The following PCDHA4 variants were observed in gnomAD, a reference collection of about 807,000 sequenced individuals.
PCDHA4 encodes the protein protocadherin alpha 4, also known as protocadherin alpha-4.
In PCDHA4, 49 loss-of-function variants were observed where a neutral mutation model predicts 61.4. The observed-to-expected ratio is 0.80, with a 90% CI of 0.63 to 1.01. The LOEUF is 1.01. PCDHA4 is among the 50% of genes least tolerant of loss of function. The pLI is 0.00. For missense variants in PCDHA4, 1,254 were observed against 1,235.8 expected, an observed-to-expected ratio of 1.01 and a Z score of -0.22; for synonymous variants, 590 against 550.3, an observed-to-expected ratio of 1.07 and a Z score of -1.01.
chr5:140,919,239 C>G (rs2079049864), intron 1 of PCDHA4, among the ~76,000 whole-genome samples: 1 of 152,188 alleles, frequency 6.6e-6, no homozygotes, highest in Non-Finnish European at 1.5e-5. Context: ...CACTTTTTGT[C>G]TTGTCTGTTT....
At chr5:140,830,577 TTTAA>T (rs1269425554) in intron 1 of PCDHA4, 10 of 821,780 alleles carry the variant, frequency 1.2e-5, no homozygotes, top group Non-Finnish European at 1.7e-5. Flanking sequence ...GTTTTTAATT[TTTAA>T]TTAATTTTAC....
At chr5:140,899,494 T>C (rs1387191802) in intron 1 of PCDHA4, among the ~76,000 whole-genome samples, 3 of 152,250 alleles carry the variant, frequency 2.0e-5, no homozygotes, top group Admixed American at 2.0e-4. Flanking sequence ...GGATTACATT[T>C]ATTGATTTGC....
intron 1 of PCDHA4, among the ~76,000 whole-genome samples, chr5:140,976,876 G>A (rs1166300025): frequency 6.6e-6 from 1 of 152,160 alleles, no homozygotes; most frequent in Non-Finnish European, 1.5e-5. Flanking sequence ...GACAAAGAAA[G>A]AATTAGGATA....
chr5:140,984,178 A>C (rs2097090747), intron 3 of PCDHA4, among the ~76,000 whole-genome samples: 1 of 152,184 alleles, frequency 6.6e-6, no homozygotes, highest in South Asian at 2.1e-4. Context: ...AGCCACGTGA[A>C]ATCATGACTT....
rs1554125167 is a variant in PCDHA4, at chr5:140,809,368, C to T, written c.2181C>T (p.Pro727=). The stretch of plus-strand genomic sequence containing the variant: ...CCGCGCTGCGGTGCTCTGCGCTGCC[C>T]ACCGAGGGCGCGTGCGCTCCGGGCA... The part of the protein sequence containing the change: ...LYTALRCSAL[P]TEGACAPGKP... Residue 727 remains proline, a synonymous_variant, in exon 1 of 4, where the codon CCC becomes CCT. Coordinates refer to ENST00000530339, the MANE Select transcript of PCDHA4 (RefSeq NM_018907.4). 6.2e-7 allele frequency: 1 copy of T among 1,613,988 alleles called. No homozygotes were observed. The highest frequency in any genetic ancestry group is 8.5e-7 in the Non-Finnish European group (1 of 1,179,912).
At chr5:140,828,665 A>C (rs2150157760) in intron 1 of PCDHA4, 1 of 1,614,220 alleles carries the variant, frequency 6.2e-7, no homozygotes, top group Admixed American at 1.7e-5. Context: ...CAATAAACAA[A>C]TTGGGCTCTT....
At chr5:140,962,414 C>T (rs2095681226) in intron 1 of PCDHA4, among the ~76,000 whole-genome samples, 1 of 152,166 alleles carries the variant, frequency 6.6e-6, no homozygotes, top group African/African-American at 2.4e-5. Context: ...CCTGTCTCTC[C>T]CTTTTTATTG....
At chr5:140,891,201 T>C (rs1301476369) in intron 1 of PCDHA4, among the ~76,000 whole-genome samples, 3 of 152,214 alleles carry the variant, frequency 2.0e-5, no homozygotes, top group Non-Finnish European at 4.4e-5. Context: ...TTTGCAGTTT[T>C]ACCATGCTGT....
chr5:141,009,580 G>A (rs1554262213), intron 3 of PCDHA4, 47 bp from the exon 4 acceptor site: 1 of 1,588,170 alleles, frequency 6.3e-7, no homozygotes, highest in South Asian at 1.2e-5. Flanking sequence ...GTGGCATCAA[G>A]AGCATGTGTT....
At chr5:140,811,787 A>G (rs1195169944) in intron 1 of PCDHA4, 2 of 152,190 alleles carry the variant, frequency 1.3e-5, no homozygotes, top group Non-Finnish European at 1.5e-5. Flanking sequence ...TGTTGGCTGC[A>G]TAAATGTCTT....
At chr5:140,877,347 G>A (rs2057054618) in intron 1 of PCDHA4, 3 of 1,614,010 alleles carry the variant, frequency 1.9e-6, no homozygotes, top group Admixed American at 1.7e-5. Flanking sequence ...TCCACGTGGG[G>A]CTGTACACTG....
At chr5:140,997,091 G>A (rs73268064) in intron 3 of PCDHA4, among the ~76,000 whole-genome samples, 546 of 152,154 alleles carry the variant, frequency 3.6e-3, no homozygotes, top group Middle Eastern at 0.014. Flanking sequence ...AGAAAGTGCA[G>A]AGTTCTCATG....
intron 1 of PCDHA4, among the ~76,000 whole-genome samples, chr5:140,890,820 G>T (rs945332484): frequency 1.3e-5 from 2 of 152,080 alleles, no homozygotes; most frequent in East Asian, 3.9e-4. Flanking sequence ...TGTTTTAAAT[G>T]TACTTACATA....
In PCDHA4 at chr5:140,851,314, CTTG is replaced by C. The variant is rs1205555988; in HGVS notation, c.2385+41745_2385+41747del. On this transcript the variant is annotated intron_variant, in intron 1 of 3. Coordinates refer to ENST00000530339, the MANE Select transcript of PCDHA4 (RefSeq NM_018907.4). ...AGCAAAAATATATAGCAATTGTTACCTTGTTAAGTTTGTAGTTCTCTACATTTC... is the reference window on the plus strand; with the variant it reads ...AGCAAAAATATATAGCAATTGTTACCTTAAGTTTGTAGTTCTCTACATTTC... 1.1e-5 allele frequency: 11 copies of C among 997,988 alleles called. 1 individual carries two copies. The South Asian group carries it at 3.6e-4, about 33-fold the overall frequency. The allele number at this position is 997,988 out of a possible 1,614,324, so 61.8% of individuals were successfully genotyped here.
chr5:140,809,584 A>G lies in PCDHA4; in HGVS notation c.2385+12A>G. ...AATCCTTTGCAAAGGTTAGTGTATAACATCCTTTTGTTTAATTTTCGTATT... is the reference window on the plus strand; with the variant it reads ...AATCCTTTGCAAAGGTTAGTGTATAGCATCCTTTTGTTTAATTTTCGTATT... On this transcript the variant is annotated intron_variant, in intron 1 of 3. Transcript: ENST00000530339. The G allele has an allele frequency of 1.9e-6, 3 of 1,548,856 alleles. No individual in the cohort carries two copies. Among genetic ancestry groups the G allele is most frequent in the Non-Finnish European group, 2.6e-6 (3 of 1,146,094 alleles).
In PCDHA4 at chr5:140,807,889, T is replaced by A. The variant is rs782700290; in HGVS notation, c.702T>A (p.Asp234Glu). The A allele has an allele frequency of 6.8e-6, 11 of 1,613,918 alleles. No individual in the cohort carries two copies. Among genetic ancestry groups the A allele is most frequent in the Non-Finnish European group, 9.3e-6 (11 of 1,179,900 alleles). ...TTCAGTTACTCATCACAGTACTGGA[T>A]GCCAATGACAATGCCCCAGCTTTTG... Reference protein sequence around the residue: ...GTVQLLITVLDANDNAPAFDR... With the variant: ...GTVQLLITVLEANDNAPAFDR... Residue 234 changes from aspartate to glutamate, a missense_variant, in exon 1 of 4, where the codon GAT (aspartate) becomes GAA (glutamate). Transcript: ENST00000530339.
At chr5:140,967,001 A>G (rs1048933252) in intron 1 of PCDHA4, 5 of 1,605,060 alleles carry the variant, frequency 3.1e-6, no homozygotes, top group East Asian at 2.2e-5. Flanking sequence ...TTGCTTGCGC[A>G]TCAACCATCT....
chr5:140,950,270 G>A (rs980703743), intron 1 of PCDHA4, among the ~76,000 whole-genome samples: 1 of 151,960 alleles, frequency 6.6e-6, no homozygotes, highest in East Asian at 1.9e-4. Flanking sequence ...TATCCATAAT[G>A]TCTTTTTGCT....
chr5:140,882,877 G>A, intron 1 of PCDHA4: 1 of 1,614,208 alleles, frequency 6.2e-7, no homozygotes, highest in Non-Finnish European at 8.5e-7. Context: ...TGGACAGAGA[G>A]GAAATTCAGG....
Sources: gnomAD v4.1 joint callset for allele counts (sites outside exome capture counted in the v4.1 genomes callset) on GRCh38, gnomAD v4.1.1 for gene constraint, MANE v1.5 for transcripts, NCBI Gene and HGNC (gene_info 2026-07-23, HGNC 2026-07-21) for gene names.